Variants in NEGR1 observed in about 807,000 individuals in gnomAD.
NEGR1 encodes the protein IgLON family member 4.
In NEGR1, 10 loss-of-function variants were observed where a neutral mutation model predicts 40.9. That is an observed-to-expected ratio of 0.24 (90% CI 0.15 to 0.42). The LOEUF is 0.42. NEGR1 is among the 10% of genes least tolerant of loss of function. NEGR1 has a pLI of 1.00. For missense variants in NEGR1, 352 were observed against 438.9 expected (o/e 0.80, Z 1.77); for synonymous variants, 185 against 166.8 (o/e 1.11, Z -0.84).
In NEGR1 at chr1:72,199,150, CAGAGAG is replaced by C. The variant is rs34602311; in HGVS notation, c.176+83163_176+83168del. ...TTGGAGATCTATCTAGATAGACAGA[CAGAGAG>C]AGAGAGAGAGAGAGAGAGAGAGAGA... On this transcript the variant is annotated intron_variant, in intron 1 of 6. Transcript: ENST00000357731. Among the ~76,000 whole-genome samples, 122 of 115,258 alleles carry C rather than the reference CAGAGAG, an allele frequency of 1.1e-3. 1 individual carries two copies. In the East Asian group the frequency reaches 0.013, roughly 12 times the overall value. 75.6% of individuals were successfully genotyped at this position (115,258 alleles called of 152,430 possible).
At chr1:71,664,564 G>C (rs1316538368) in intron 4 of NEGR1, among the ~76,000 whole-genome samples, 2 of 151,848 alleles carry the variant, frequency 1.3e-5, no homozygotes, top group African/African-American at 4.8e-5. Flanking sequence ...GAGAAGGGAG[G>C]GAGATGAGTG....
At chr1:71,585,115 AT>A (rs893350307) in intron 6 of NEGR1, among the ~76,000 whole-genome samples, 3 of 152,140 alleles carry the variant, frequency 2.0e-5, no homozygotes, top group African/African-American at 7.2e-5. Flanking sequence ...ATTAAGATGC[AT>A]TTTTTTGTCG....
intron 2 of NEGR1, among the ~76,000 whole-genome samples, chr1:71,785,775 T>C (rs1437721942): frequency 6.6e-6 from 1 of 152,178 alleles, no homozygotes; most frequent in Admixed American, 6.6e-5. Flanking sequence ...AAAAGCTTGC[T>C]TTAGGGTTTT....
In NEGR1 at chr1:72,113,339, A is replaced by G. The variant is rs981641351; in HGVS notation, c.176+168980T>C. Among the ~76,000 whole-genome samples the G allele has an allele frequency of 2.0e-5, 3 of 151,880 alleles. No homozygotes were observed. The East Asian group carries it at 5.8e-4, about 30-fold the overall frequency. On this transcript the variant is annotated intron_variant, in intron 1 of 6. Transcript: ENST00000357731. ...TCAAAATCAGAAAAGCAAATACAGT[A>G]GAGAAAGTAAAGAAAGTGTATTTAT...
At position 72,213,997 on chromosome 1, in the gene NEGR1, C is replaced by T. The variant is rs115237214; in HGVS notation, c.176+68322G>A. Among the ~76,000 whole-genome samples, 949 of 152,190 alleles carry T rather than the reference C, an allele frequency of 6.2e-3. 8 individuals carry two copies. The highest frequency in any genetic ancestry group is 0.021 in the African/African-American group (886 of 41,538). Reference sequence around the variant, plus strand: ...CACTGGCAAAATGAATCTAGCGGCACATCAAAAAGCTGATCCACCACAATC... The same window carrying T: ...CACTGGCAAAATGAATCTAGCGGCATATCAAAAAGCTGATCCACCACAATC... On this transcript the variant is annotated intron_variant, in intron 1 of 6. Coordinates refer to ENST00000357731, the MANE Select transcript of NEGR1 (RefSeq NM_173808.3).
At chr1:72,137,358 G>C (rs1288669890) in intron 1 of NEGR1, among the ~76,000 whole-genome samples, 1 of 152,026 alleles carries the variant, frequency 6.6e-6, no homozygotes, top group Non-Finnish European at 1.5e-5. Flanking sequence ...ATTCCAACCA[G>C]TGATAGACTA....
chr1:71,688,403 T>TAAAAGAGATATATAA (rs57483006), intron 4 of NEGR1, among the ~76,000 whole-genome samples: 2 of 30,148 alleles, frequency 6.6e-5, no homozygotes, highest in African/African-American at 1.2e-4. Flanking sequence ...AATATATATA[T>TAAAAGAGATATATAA]AAGATATATA....
chr1:71,943,316 A>G (rs1205328733), intron 1 of NEGR1, among the ~76,000 whole-genome samples: 1 of 150,622 alleles, frequency 6.6e-6, no homozygotes, highest in Non-Finnish European at 1.5e-5. Flanking sequence ...ATGTGTGTAT[A>G]AAATATGAAC....
At chr1:71,483,913 G>A (rs1245475299) in intron 6 of NEGR1, among the ~76,000 whole-genome samples, 1 of 151,600 alleles carries the variant, frequency 6.6e-6, no homozygotes, top group African/African-American at 2.4e-5. Flanking sequence ...TTTCACTGAG[G>A]ATTTTTTTTC....
chr1:71,580,906 G>A (rs999230092), intron 6 of NEGR1, among the ~76,000 whole-genome samples: 1 of 151,994 alleles, frequency 6.6e-6, no homozygotes, highest in African/African-American at 2.4e-5. Context: ...GCTAAAGCTG[G>A]CTTATACTAG....
At chr1:72,038,501 G>C (rs1490448144) in intron 1 of NEGR1, among the ~76,000 whole-genome samples, 4 of 151,952 alleles carry the variant, frequency 2.6e-5, no homozygotes, top group Non-Finnish European at 5.9e-5. Context: ...TTCTGTCAGT[G>C]AGTATGCAAG....
chr1:71,596,423 C>T (rs558887874), intron 5 of NEGR1, among the ~76,000 whole-genome samples: 4 of 152,250 alleles, frequency 2.6e-5, no homozygotes, highest in South Asian at 2.1e-4. Context: ...TAGAATAGTC[C>T]CCTATATTTT....
intron 6 of NEGR1, among the ~76,000 whole-genome samples, chr1:71,575,696 T>C (rs796642489): frequency 2.0e-5 from 3 of 152,102 alleles, no homozygotes; most frequent in Non-Finnish European, 4.4e-5. Flanking sequence ...GGCAGGAGAA[T>C]GGCATGAACC....
At chr1:71,812,111 T>C (rs1008027680) in intron 2 of NEGR1, among the ~76,000 whole-genome samples, 3 of 152,128 alleles carry the variant, frequency 2.0e-5, no homozygotes, top group African/African-American at 7.2e-5. Flanking sequence ...TGTGTTCTCA[T>C]TGTTCAGCTC....
At chr1:71,431,191 C>G (rs1386999954) in intron 6 of NEGR1, among the ~76,000 whole-genome samples, 1 of 150,286 alleles carries the variant, frequency 6.7e-6, no homozygotes, top group Non-Finnish European at 1.5e-5. Flanking sequence ...CCCACAAATA[C>G]TGATTGAAAA....
intron 3 of NEGR1, among the ~76,000 whole-genome samples, chr1:71,743,419 T>C (rs999864456): frequency 6.6e-6 from 1 of 151,728 alleles, no homozygotes; most frequent in African/African-American, 2.4e-5. Flanking sequence ...TTTTTTTTTT[T>C]CCAAAGGCAG....
chr1:71,512,328 G>C (rs1158211439), intron 6 of NEGR1, among the ~76,000 whole-genome samples: 1 of 151,906 alleles, frequency 6.6e-6, no homozygotes, highest in East Asian at 1.9e-4. Context: ...CTAAACAAAA[G>C]TGAAAATGGA....
chr1:72,145,343 T>G (rs1221770930), intron 1 of NEGR1, among the ~76,000 whole-genome samples: 1 of 152,156 alleles, frequency 6.6e-6, no homozygotes, highest in African/African-American at 2.4e-5. Context: ...TTATTTTTAT[T>G]CCAAGTACAT....
intron 2 of NEGR1, among the ~76,000 whole-genome samples, chr1:71,896,558 ATTTATCTAT>A (rs1344489777): frequency 6.6e-6 from 1 of 152,068 alleles, no homozygotes; most frequent in East Asian, 1.9e-4. Context: ...GTTAAGTTTA[ATTTATCTAT>A]TTTTTCTTTG....
Sources: gnomAD v4.1 joint callset for allele counts (sites outside exome capture counted in the v4.1 genomes callset) on GRCh38, gnomAD v4.1.1 for gene constraint, MANE v1.5 for transcripts, NCBI Gene and HGNC (gene_info 2026-07-23, HGNC 2026-07-21) for gene names.